GREM2: variants seen among roughly 807,000 people sequenced by gnomAD.
GREM2 encodes gremlin-2.
In GREM2, 11 loss-of-function variants were observed where a neutral mutation model predicts 14.2. The ratio of observed to expected loss-of-function variants is 0.78; its 90% confidence interval spans 0.49 to 1.28. The LOEUF is 1.28. Among genes scored for constraint, GREM2 ranks in the 50% most tolerant of loss-of-function variants. The pLI is 0.00. For synonymous variants in GREM2, 98 were observed against 97.6 expected, an observed-to-expected ratio of 1.00 and a Z score of -0.02; for missense variants, 210 against 218.5, an observed-to-expected ratio of 0.96 and a Z score of 0.24.
intron 1 of GREM2, among the ~76,000 whole-genome samples, chr1:240,502,669 C>G (rs966159368): frequency 2.6e-5 from 4 of 152,194 alleles, no homozygotes; most frequent in Admixed American, 2.6e-4. Context: ...CTGATAGATG[C>G]TATCCCAATG....
intron 1 of GREM2, among the ~76,000 whole-genome samples, chr1:240,592,629 A>C (rs1446531554): frequency 6.6e-6 from 1 of 152,156 alleles, no homozygotes; most frequent in Non-Finnish European, 1.5e-5. Flanking sequence ...GTGATTATGT[A>C]TTTATGTGCC....
At chr1:240,581,786 T>A (rs1679490768) in intron 1 of GREM2, among the ~76,000 whole-genome samples, 1 of 152,244 alleles carries the variant, frequency 6.6e-6, no homozygotes, top group Non-Finnish European at 1.5e-5. Flanking sequence ...AAATTTTTCA[T>A]ACAGATATTT....
chr1:240,571,690 C>T (rs1383381097), intron 1 of GREM2, among the ~76,000 whole-genome samples: 1 of 151,910 alleles, frequency 6.6e-6, no homozygotes, highest in Non-Finnish European at 1.5e-5. Flanking sequence ...AAGAGTGAAA[C>T]TCCATCGCAA....
At chr1:240,608,422 A>G (rs1465912036) in intron 1 of GREM2, among the ~76,000 whole-genome samples, 2 of 152,354 alleles carry the variant, frequency 1.3e-5, no homozygotes, top group South Asian at 4.1e-4. Context: ...CGTAGCTACC[A>G]TAATTAGAAA....
intron 1 of GREM2, among the ~76,000 whole-genome samples, chr1:240,523,892 A>G (rs533197609): frequency 6.6e-6 from 1 of 152,364 alleles, no homozygotes; most frequent in East Asian, 1.9e-4. Flanking sequence ...ATTTTTGCCA[A>G]TGTTGTGTGT....
rs548733976 is a variant in GREM2, at chr1:240,511,460, G to C, written c.-1-17984C>G. Among the ~76,000 whole-genome samples, 3 of 152,292 alleles carry C rather than the reference G, an allele frequency of 2.0e-5. No individual in the cohort carries two copies. The East Asian group carries it at 5.8e-4, about 29-fold the overall frequency. On this transcript the variant is annotated intron_variant, in intron 1 of 1. Coordinates refer to ENST00000318160, the MANE Select transcript of GREM2 (RefSeq NM_022469.4). Reference sequence around the variant, plus strand: ...GAATATCCATAGGCCTTTTATAAAAGGGACTTGAGGCCAGGCCTGTTGGCT... The same window carrying C: ...GAATATCCATAGGCCTTTTATAAAACGGACTTGAGGCCAGGCCTGTTGGCT...
intron 1 of GREM2, among the ~76,000 whole-genome samples, chr1:240,518,516 T>C (rs1677999334): frequency 6.6e-6 from 1 of 152,202 alleles, no homozygotes; most frequent in Non-Finnish European, 1.5e-5. Flanking sequence ...TCCTTAGTTT[T>C]TGGGTTTTTT....
In GREM2 at chr1:240,515,553, C is replaced by T. The variant is rs556178718; in HGVS notation, c.-1-22077G>A. On this transcript the variant is annotated intron_variant, in intron 1 of 1. Transcript: ENST00000318160. The stretch of plus-strand genomic sequence containing the variant: ...TTCCTCATTTACTCATTTCCTTTCT[C>T]TCTCTGGGAGGGCACTTTTGAGATT... Among the ~76,000 whole-genome samples the T allele has an allele frequency of 2.4e-4, 37 of 151,340 alleles. No individual in the cohort carries two copies. The South Asian group carries it at 7.7e-3, about 31-fold the overall frequency.
chr1:240,547,223 A>G (rs10926296), intron 1 of GREM2, among the ~76,000 whole-genome samples: 41,525 of 151,948 alleles, frequency 0.27, 9,488 homozygotes, highest in African/African-American at 0.63. Flanking sequence ...AATGGAGGCC[A>G]GGCACGGTGC....
chr1:240,499,041 C>A (rs1425959838), intron 1 of GREM2, among the ~76,000 whole-genome samples: 1 of 152,140 alleles, frequency 6.6e-6, no homozygotes, highest in Non-Finnish European at 1.5e-5. Flanking sequence ...ACTGCACAGG[C>A]CAAAGCAAGC....
chr1:240,524,911 G>A (rs1407985568), intron 1 of GREM2, among the ~76,000 whole-genome samples: 2 of 152,114 alleles, frequency 1.3e-5, no homozygotes, highest in African/African-American at 2.4e-5. Context: ...GGCCAGTCGT[G>A]GAAAGCCCAG....
chr1:240,494,057 C>A (rs975200603), intron 1 of GREM2, among the ~76,000 whole-genome samples: 1 of 152,218 alleles, frequency 6.6e-6, no homozygotes, highest in African/African-American at 2.4e-5. Context: ...AAGTACAAAG[C>A]AAATGCTGGG....
intron 1 of GREM2, among the ~76,000 whole-genome samples, chr1:240,578,159 T>C (rs1679406984): frequency 6.6e-6 from 1 of 152,126 alleles, no homozygotes; most frequent in African/African-American, 2.4e-5. Context: ...TGAGTCTCAC[T>C]CTGTTGCCCA....
chr1:240,589,629 G>A (rs1310524431), intron 1 of GREM2, among the ~76,000 whole-genome samples: 1 of 151,972 alleles, frequency 6.6e-6, no homozygotes, highest in African/African-American at 2.4e-5. Flanking sequence ...CTGATCTCAT[G>A]GGAGATCCCA....
chr1:240,585,862 C>T (rs1679589620), intron 1 of GREM2, among the ~76,000 whole-genome samples: 1 of 150,786 alleles, frequency 6.6e-6, no homozygotes, highest in African/African-American at 2.4e-5. Flanking sequence ...TTAAAGAACA[C>T]TGAGTTAAGA....
At chr1:240,553,502 G>A (rs1457266059) in intron 1 of GREM2, among the ~76,000 whole-genome samples, 1 of 152,160 alleles carries the variant, frequency 6.6e-6, no homozygotes. Context: ...TATGGATGTT[G>A]ACACAATATG....
At chr1:240,598,990 C>T (rs189673795) in intron 1 of GREM2, among the ~76,000 whole-genome samples, 3 of 151,990 alleles carry the variant, frequency 2.0e-5, no homozygotes, top group Admixed American at 6.6e-5. Flanking sequence ...AGTAAGTGGT[C>T]GGGTGTGGTG....
At chr1:240,610,980 G>C (rs1157707968) in intron 1 of GREM2, among the ~76,000 whole-genome samples, 2 of 151,964 alleles carry the variant, frequency 1.3e-5, no homozygotes, top group African/African-American at 4.8e-5. Flanking sequence ...AGTCATCAAG[G>C]GGTGGGGAGT....
At chr1:240,522,535 C>T (rs965318789) in intron 1 of GREM2, among the ~76,000 whole-genome samples, 2 of 152,060 alleles carry the variant, frequency 1.3e-5, no homozygotes, top group Non-Finnish European at 2.9e-5. Flanking sequence ...CTTTAAAGGT[C>T]CCTAGAGAAC....
Sources: gnomAD v4.1 joint callset for allele counts (sites outside exome capture counted in the v4.1 genomes callset) on GRCh38, gnomAD v4.1.1 for gene constraint, MANE v1.5 for transcripts, NCBI Gene and HGNC (gene_info 2026-07-23, HGNC 2026-07-21) for gene names.